FRMD5: variants seen among roughly 807,000 people sequenced by gnomAD.
FRMD5 encodes FERM domain containing 5.
Under a neutral mutation model 69.0 loss-of-function variants are expected in FRMD5, and 20 were observed. The ratio of observed to expected loss-of-function variants is 0.29; its 90% CI spans 0.20 to 0.42. The LOEUF (loss-of-function observed/expected upper bound fraction) is 0.42, where lower values mean the gene tolerates loss of function less well. Among genes scored for constraint, FRMD5 ranks in the 10% least tolerant of loss-of-function variants. The probability of loss-of-function intolerance (pLI) is 1.00; values close to 1 mark genes in which losing one functional copy is unlikely to be tolerated. For missense variants in FRMD5, 595 were observed against 708.6 expected (o/e 0.84, Z 1.82); for synonymous variants, 271 against 260.1 (o/e 1.04, Z -0.40).
chr15:43,951,373 G>A (rs912271470), intron 1 of FRMD5, among the ~76,000 whole-genome samples: 6 of 149,542 alleles, frequency 4.0e-5, no homozygotes, highest in African/African-American at 1.2e-4. Flanking sequence ...AGTGAGCCAA[G>A]ATCGCGCCAC....
intron 1 of FRMD5, among the ~76,000 whole-genome samples, chr15:44,126,630 A>C (rs1280099865): frequency 6.6e-6 from 1 of 151,854 alleles, no homozygotes; most frequent in Non-Finnish European, 1.5e-5. Context: ...TTATTGCCAC[A>C]CTCCAAGGAC....
intron 1 of FRMD5, among the ~76,000 whole-genome samples, chr15:43,932,073 C>T (rs1461459782): frequency 6.6e-6 from 1 of 152,196 alleles, no homozygotes; most frequent in African/African-American, 2.4e-5. Context: ...AATCTTACAT[C>T]TAAGGATGAC....
Position 43,874,330 on chromosome 15 carries a change from G to T in FRMD5, c.1268C>A (p.Ala423Asp). ...NERVAVIADEAYSPADSVLPT... is the reference protein window; with the variant it reads ...NERVAVIADEDYSPADSVLPT... ...CAGCACGCTGTCTGCAGGGCTGTAGGCCTCGTCTGCAATCACAGCTACTCG... is the reference window on the plus strand; with the variant it reads ...CAGCACGCTGTCTGCAGGGCTGTAGTCCTCGTCTGCAATCACAGCTACTCG... The change falls in exon 14 of 14, where the codon GCC (alanine) becomes GAC (aspartate). Residue 423 changes from alanine (A) to aspartate (D), a missense_variant. This residue lies in a region of FRMD5 where 245 missense variants were observed against 227.1 expected (regional missense o/e 1.08). Coordinates refer to ENST00000417257, the MANE Select transcript of FRMD5 (RefSeq NM_032892.5). 1.9e-6 allele frequency: 3 copies of T among 1,614,234 alleles called. No individual in the cohort carries two copies. Among genetic ancestry groups the T allele is most frequent in the Non-Finnish European group, 2.5e-6 (3 of 1,180,044 alleles).
chr15:44,107,670 T>TA (rs1231652538), intron 1 of FRMD5, among the ~76,000 whole-genome samples: 1 of 152,194 alleles, frequency 6.6e-6, no homozygotes, highest in Non-Finnish European at 1.5e-5. Context: ...CATTAAAATA[T>TA]AAAAAATGTT....
chr15:44,000,372 A>T (rs1273767004), intron 1 of FRMD5, among the ~76,000 whole-genome samples: 10 of 152,144 alleles, frequency 6.6e-5, no homozygotes, highest in Non-Finnish European at 1.5e-5. Context: ...TAACGCTGCA[A>T]TGAACATGAG....
intron 1 of FRMD5, among the ~76,000 whole-genome samples, chr15:44,024,386 C>A (rs1478017050): frequency 6.6e-6 from 1 of 152,150 alleles, no homozygotes; most frequent in Admixed American, 6.5e-5. Flanking sequence ...CCAGAGTGTT[C>A]TCCAGAGTGG....
chr15:43,904,810 G>C (rs1595501873), intron 6 of FRMD5, among the ~76,000 whole-genome samples: 5 of 152,264 alleles, frequency 3.3e-5, no homozygotes, highest in Admixed American at 2.6e-4. Context: ...ACTTCATGTG[G>C]GTGAAAAGCT....
intron 1 of FRMD5, among the ~76,000 whole-genome samples, chr15:44,062,125 G>A (rs935277113): frequency 3.7e-4 from 56 of 152,092 alleles, no homozygotes; most frequent in African/African-American, 1.4e-3. Flanking sequence ...CAGTGATTTT[G>A]TCATTTATTT....
chr15:44,023,390 G>A (rs1359972716), intron 1 of FRMD5, among the ~76,000 whole-genome samples: 1 of 152,148 alleles, frequency 6.6e-6, no homozygotes, highest in Non-Finnish European at 1.5e-5. Context: ...CATGTACAAA[G>A]GCTCAGAGGC....
chr15:43,875,390 A>ATATATATATATG lies in FRMD5; in HGVS notation c.1136-929_1136-928insCATATATATATA, dbSNP rs1385798025. On this transcript the variant is annotated intron_variant, in intron 13 of 13. Coordinates refer to ENST00000417257, the MANE Select transcript of FRMD5 (RefSeq NM_032892.5). ...TATATATATATATATATATATATAT[A>ATATATATATATG]TATGTATGTATGAAACAAGAGAAGG... Among the ~76,000 whole-genome samples the ATATATATATATG allele has an allele frequency of 1.1e-3, 134 of 124,628 alleles. 1 individual carries two copies. Among genetic ancestry groups the ATATATATATATG allele is most frequent in the East Asian group, 7.7e-3 (29 of 3,784 alleles). The allele number at this position is 124,628 out of a possible 152,430, so 81.8% of individuals were successfully genotyped here. A position where few individuals can be genotyped will look rare whatever the true frequency, so the allele number is the denominator to read the frequency against.
At chr15:44,135,736 A>G (rs1293865631) in intron 1 of FRMD5, among the ~76,000 whole-genome samples, 1 of 151,084 alleles carries the variant, frequency 6.6e-6, no homozygotes, top group Admixed American at 6.6e-5. Flanking sequence ...GAGGCAGGAG[A>G]ATTGCTTGAA....
Position 43,873,672 on chromosome 15 carries a change from G to T in FRMD5, c.*213C>A. 6.7e-7 allele frequency: 1 copy of T among 1,499,492 alleles called. No individual in the cohort carries two copies. The highest frequency in any genetic ancestry group is 8.8e-7 in the Non-Finnish European group (1 of 1,134,286). 92.9% of individuals were successfully genotyped at this position (1,499,492 alleles called of 1,614,324 possible). On this transcript the variant is annotated 3_prime_UTR_variant, in exon 14 of 14. Coordinates refer to ENST00000417257, the MANE Select transcript of FRMD5 (RefSeq NM_032892.5). ...CTGAGCCTTTCTTGAAATAACTTCT[G>T]AAGAAAATGAGTTTTCCCAGTTTGT...
intron 1 of FRMD5, among the ~76,000 whole-genome samples, chr15:44,100,585 C>T (rs1407663616): frequency 1.3e-5 from 2 of 152,102 alleles, no homozygotes; most frequent in Non-Finnish European, 2.9e-5. Flanking sequence ...CTAAAAACCA[C>T]TTCTACATTA....
intron 1 of FRMD5, among the ~76,000 whole-genome samples, chr15:44,069,268 C>T (rs1893432098): frequency 1.3e-5 from 2 of 152,122 alleles, no homozygotes; most frequent in Non-Finnish European, 2.9e-5. Flanking sequence ...AACAGTTTGG[C>T]AGTTTCTTAC....
chr15:43,973,166 A>G (rs375478988), intron 1 of FRMD5, among the ~76,000 whole-genome samples: 19 of 151,100 alleles, frequency 1.3e-4, no homozygotes, highest in Admixed American at 6.6e-4. Flanking sequence ...GGGACTACAG[A>G]CGCCCGCCAC....
intron 1 of FRMD5, among the ~76,000 whole-genome samples, chr15:44,100,599 A>G (rs2076624845): frequency 6.6e-6 from 1 of 152,166 alleles, no homozygotes; most frequent in South Asian, 2.1e-4. Context: ...TACATTATTA[A>G]TATTAGTGAC....
chr15:43,922,707 G>C (rs1566837923), intron 2 of FRMD5, among the ~76,000 whole-genome samples: 1 of 139,006 alleles, frequency 7.2e-6, no homozygotes, highest in East Asian at 2.1e-4. Context: ...GTCTTGCTCT[G>C]TCTCCCAGGC....
At chr15:44,047,649 T>C (rs1451486112) in intron 1 of FRMD5, among the ~76,000 whole-genome samples, 1 of 152,248 alleles carries the variant, frequency 6.6e-6, no homozygotes, top group African/African-American at 2.4e-5. Flanking sequence ...TTTACAACAA[T>C]CTAATTTTAG....
chr15:44,096,403 CTTT>C (rs751057566), intron 1 of FRMD5, among the ~76,000 whole-genome samples: 3 of 130,758 alleles, frequency 2.3e-5, no homozygotes, highest in Non-Finnish European at 3.3e-5. Flanking sequence ...TACGGTGTAT[CTTT>C]TTTTTTTTTT....
Sources: allele counts gnomAD v4.1 joint callset (sites outside exome capture counted in the v4.1 genomes callset), GRCh38; gene constraint gnomAD v4.1.1; regional missense constraint gnomAD v4.1.1; transcripts MANE v1.5; gene names NCBI Gene and HGNC (gene_info 2026-07-23, HGNC 2026-07-21).